IYD: variants seen among roughly 807,000 people sequenced by gnomAD.
IYD encodes the protein iodotyrosine deiodinase 1.
A neutral mutation model predicts 28.4 loss-of-function variants in IYD; 25 were observed. That is an observed-to-expected ratio of 0.88 (90% CI 0.64 to 1.23). The LOEUF is 1.23. IYD is among the 50% of genes most tolerant of loss of function. IYD has a pLI of 0.00. For synonymous variants in IYD, 140 were observed against 130.8 expected (o/e 1.07, Z -0.48); for missense variants, 352 against 357.9 (o/e 0.98, Z 0.13).
At position 150,370,144 on chromosome 6, in the gene IYD, G is replaced by A. The variant is rs1030442008; in HGVS notation, c.178+935G>A. On this transcript the variant is annotated intron_variant, in intron 1 of 4. Coordinates refer to ENST00000344419, the MANE Select transcript of IYD (RefSeq NM_203395.3). Reference sequence around the variant, plus strand: ...ATGATGCCCCCATCCCCAAACAGAGGCCACCTGGACATGTGAGTGTGTGTG... The same window carrying A: ...ATGATGCCCCCATCCCCAAACAGAGACCACCTGGACATGTGAGTGTGTGTG... The A allele has an allele frequency of 1.2e-5, 8 of 671,234 alleles. No homozygotes were observed. The Admixed American group carries it at 1.3e-4, about 11-fold the overall frequency. 41.6% of individuals were successfully genotyped at this position (671,234 alleles called of 1,614,324 possible). A position where few individuals can be genotyped will look rare whatever the true frequency, so the allele number is the denominator to read the frequency against.
At chr6:150,373,598 T>C (rs957065387) in intron 1 of IYD, among the ~76,000 whole-genome samples, 11 of 152,188 alleles carry the variant, frequency 7.2e-5, no homozygotes, top group Admixed American at 5.2e-4. Flanking sequence ...ATTTAGGAGT[T>C]TTTTGTTAAA....
In IYD at chr6:150,400,181, G is replaced by A. The variant is rs1269201689; in HGVS notation, c.*1944G>A. On this transcript the variant is annotated 3_prime_UTR_variant, in exon 5 of 5. Coordinates refer to ENST00000344419, the MANE Select transcript of IYD (RefSeq NM_203395.3). ...GGGCCAGATGGAGTTGGCCTGCAGG[G>A]AGTCAGCCTTACCCCATCAGAGACC... 1 of 152,162 alleles carries A rather than the reference G, an allele frequency of 6.6e-6. No individual in the cohort carries two copies. Among genetic ancestry groups the A allele is most frequent in the Admixed American group, 6.5e-5 (1 of 15,276 alleles). 9.4% of individuals were successfully genotyped at this position (152,162 alleles called of 1,614,324 possible).
Position 150,398,243 on chromosome 6 carries a change from G to T in IYD, c.*6G>T. 1 of 1,613,896 alleles carries T rather than the reference G, an allele frequency of 6.2e-7. No individual in the cohort carries two copies. The highest frequency in any genetic ancestry group is 8.5e-7 in the Non-Finnish European group (1 of 1,179,912). On this transcript the variant is annotated 3_prime_UTR_variant, in exon 5 of 5. Coordinates refer to ENST00000344419, the MANE Select transcript of IYD (RefSeq NM_203395.3). Reference sequence around the variant, plus strand: ...AGATCATGGTGACAGTGTAGGCAGGGCCCCCCAAGGGAGTGGCAGGGAGAT... The same window carrying T: ...AGATCATGGTGACAGTGTAGGCAGGTCCCCCCAAGGGAGTGGCAGGGAGAT...
At position 150,394,087 on chromosome 6, in the gene IYD, T is replaced by C; in HGVS notation, c.531-12T>C. 1.9e-6 allele frequency: 3 copies of C among 1,613,780 alleles called. 1 individual carries two copies. The South Asian group carries it at 3.3e-5, about 18-fold the overall frequency. On this transcript the variant is annotated splice_polypyrimidine_tract_variant and intron_variant, in intron 3 of 4. Transcript: ENST00000344419. ...GGGCAAATATTATCCTGAATCTCTTTTCTCTTCACAGAACCAACTGGATTA... is the reference window on the plus strand; with the variant it reads ...GGGCAAATATTATCCTGAATCTCTTCTCTCTTCACAGAACCAACTGGATTA...
chr6:150,386,366 GT>G (rs1249039679), intron 1 of IYD, among the ~76,000 whole-genome samples: 4 of 149,620 alleles, frequency 2.7e-5, no homozygotes, highest in African/African-American at 1.0e-4. Flanking sequence ...TATTTTGTTT[GT>G]TTTTTTCAGT....
chr6:150,385,221 A>G (rs1178970851), intron 1 of IYD: 1 of 152,152 alleles, frequency 6.6e-6, no homozygotes. Context: ...ATTCTCTTAT[A>G]TTCTCTTCTA....
At position 150,403,757 on chromosome 6, in the gene IYD, A is replaced by G. The variant is rs1366499328; in HGVS notation, c.*5520A>G. The stretch of plus-strand genomic sequence containing the variant: ...CAGGGGATTGGTTTATGTTATTATC[A>G]TGACCTGAGAGTCATGGCTCAGAGC... On this transcript the variant is annotated 3_prime_UTR_variant, in exon 5 of 5. Coordinates refer to ENST00000344419, the MANE Select transcript of IYD (RefSeq NM_203395.3). The G allele has an allele frequency of 2.6e-5, 4 of 152,234 alleles. No individual in the cohort carries two copies. Among genetic ancestry groups the G allele is most frequent in the Non-Finnish European group, 5.9e-5 (4 of 68,040 alleles). 9.4% of individuals were successfully genotyped at this position (152,234 alleles called of 1,614,324 possible).
rs538099630 is a variant in IYD, at chr6:150,404,115, C to T, written c.*5878C>T. The T allele has an allele frequency of 4.6e-5, 7 of 152,296 alleles. No individual in the cohort carries two copies. Among genetic ancestry groups the T allele is most frequent in the Admixed American group, 2.6e-4 (4 of 15,294 alleles). 9.4% of individuals were successfully genotyped at this position (152,296 alleles called of 1,614,324 possible). On this transcript the variant is annotated 3_prime_UTR_variant, in exon 5 of 5. Coordinates refer to ENST00000344419, the MANE Select transcript of IYD (RefSeq NM_203395.3). ...TCTTATGACCAGAGATCCTAAGCAA[C>T]CTCTGCTCATCTGAGTTGTCCACCA...
At chr6:150,378,093 C>T (rs1285997898) in intron 1 of IYD, among the ~76,000 whole-genome samples, 2 of 152,202 alleles carry the variant, frequency 1.3e-5, no homozygotes, top group Admixed American at 1.3e-4. Context: ...GGTGAATTCT[C>T]TACCTGAATT....
intron 4 of IYD, among the ~76,000 whole-genome samples, chr6:150,397,569 C>CAAAAA (rs67591922): frequency 4.5e-5 from 5 of 111,680 alleles, no homozygotes; most frequent in Admixed American, 1.9e-4. Flanking sequence ...TACTTTGTCT[C>CAAAAA]AAAAAAAAAA....
At chr6:150,371,863 T>C (rs1777252764) in intron 1 of IYD, among the ~76,000 whole-genome samples, 2 of 152,312 alleles carry the variant, frequency 1.3e-5, no homozygotes, top group South Asian at 4.1e-4. Flanking sequence ...ACATAAGTGG[T>C]GCATGCCAAG....
At chr6:150,395,725 G>A in intron 4 of IYD, 3 of 716,232 alleles carry the variant, frequency 4.2e-6, no homozygotes, top group South Asian at 3.0e-5. Context: ...GGTCTGATAA[G>A]CGCGCCATGC....
chr6:150,373,467 C>G (rs2115015231), intron 1 of IYD, among the ~76,000 whole-genome samples: 1 of 152,300 alleles, frequency 6.6e-6, no homozygotes, highest in Admixed American at 6.5e-5. Context: ...GACACTGATC[C>G]TACAAATGAT....
At chr6:150,388,630 GCTTTCTTTCTTTCTTTCTTTCTTTCTTT>G (rs71010894) in intron 1 of IYD, among the ~76,000 whole-genome samples, 1,506 of 129,400 alleles carry the variant, frequency 0.012, 13 homozygotes, top group Non-Finnish European at 0.016. Context: ...TGGAGTTTTT[GCTTTCTTTCTTTCTTTCTTTCTTTCTTT>G]CTTTCTTTCT....
rs1778457816 is a variant in IYD, at chr6:150,399,888, C to T, written c.*1651C>T. ...CTCATCACCTCCCAAAGGACCCCCTCCTAATACCATCACATTGGGGGTTAG... is the reference window on the plus strand; with the variant it reads ...CTCATCACCTCCCAAAGGACCCCCTTCTAATACCATCACATTGGGGGTTAG... On this transcript the variant is annotated 3_prime_UTR_variant, in exon 5 of 5. Coordinates refer to ENST00000344419, the MANE Select transcript of IYD (RefSeq NM_203395.3). 1 of 152,284 alleles carries T rather than the reference C, an allele frequency of 6.6e-6. No individual in the cohort carries two copies. Among genetic ancestry groups the T allele is most frequent in the Non-Finnish European group, 1.5e-5 (1 of 68,130 alleles). 9.4% of individuals were successfully genotyped at this position (152,284 alleles called of 1,614,324 possible).
chr6:150,388,196 C>G (rs1777949262), intron 1 of IYD, among the ~76,000 whole-genome samples: 1 of 152,148 alleles, frequency 6.6e-6, no homozygotes, highest in South Asian at 2.1e-4. Context: ...CTGATATAAA[C>G]CGTTGAGGAA....
intron 1 of IYD, among the ~76,000 whole-genome samples, chr6:150,371,993 A>G (rs1409742078): frequency 1.3e-5 from 2 of 152,212 alleles, no homozygotes; most frequent in South Asian, 2.1e-4. Context: ...CTCTAGGTCC[A>G]GAAGGGATTG....
At chr6:150,370,695 G>A in intron 1 of IYD, 1 of 983,082 alleles carries the variant, frequency 1.0e-6, no homozygotes, top group Non-Finnish European at 1.2e-6. Context: ...AGGATGGCCT[G>A]GATGGTGGGG....
At chr6:150,379,674 A>C (rs535725770) in intron 1 of IYD, among the ~76,000 whole-genome samples, 1 of 152,366 alleles carries the variant, frequency 6.6e-6, no homozygotes, top group South Asian at 2.1e-4. Flanking sequence ...GGAGAAGATT[A>C]AAATTCATAT....
Sources: gnomAD v4.1 joint callset for allele counts (sites outside exome capture counted in the v4.1 genomes callset) on GRCh38, gnomAD v4.1.1 for gene constraint, MANE v1.5 for transcripts, NCBI Gene and HGNC (gene_info 2026-07-23, HGNC 2026-07-21) for gene names.